CFHR2: variants seen among roughly 807,000 people sequenced by gnomAD.
CFHR2 encodes complement factor H-related protein 2.
Under a neutral mutation model 21.7 loss-of-function variants are expected in CFHR2, and 22 were observed. The ratio of observed to expected loss-of-function variants is 1.01; its 90% CI spans 0.72 to 1.45. The LOEUF is 1.45. Among genes scored for constraint, CFHR2 ranks in the 40% most tolerant of loss-of-function variants. CFHR2 has a pLI of 0.00. For missense variants in CFHR2, 294 were observed against 293.3 expected (o/e 1.00, Z -0.02); for synonymous variants, 98 against 97.4 (o/e 1.01, Z -0.04).
chr1:196,957,463 T>G (rs181427298), intron 3 of CFHR2, among the ~76,000 whole-genome samples: 4 of 152,212 alleles, frequency 2.6e-5, no homozygotes, highest in Admixed American at 2.0e-4. Flanking sequence ...CCTTTTAGTT[T>G]CTATTAATTT....
chr1:196,958,415 TGAGAGAGAGAGA>T (rs894664239), intron 4 of CFHR2, among the ~76,000 whole-genome samples: 1 of 145,184 alleles, frequency 6.9e-6, no homozygotes, highest in South Asian at 2.2e-4. Context: ...TGTGTGTGTG[TGAGAGAGAGAGA>T]GAGAGAGAGA....
intron 1 of CFHR2, among the ~76,000 whole-genome samples, chr1:196,948,710 C>A (rs182116811): frequency 3.3e-5 from 5 of 150,664 alleles, no homozygotes; most frequent in Non-Finnish European, 5.9e-5. Context: ...TGTTTTTTTC[C>A]GAATATTTTT....
intron 3 of CFHR2, among the ~76,000 whole-genome samples, chr1:196,955,569 C>G (rs895511638): frequency 1.3e-5 from 2 of 152,122 alleles, no homozygotes; most frequent in African/African-American, 4.8e-5. Context: ...ATAGGTTTGG[C>G]CAGACATGGT....
rs190787528 is a variant in CFHR2 at position 196,955,942 on chromosome 1, G to A, written c.431-1949G>A. ...GAAAACTTACAATAATGGCAGAAGC[G>A]GGGGCAGGCACTTCTTCACAAGGCA... On this transcript the variant is annotated intron_variant, in intron 3 of 4. Transcript: ENST00000367415. Among the ~76,000 whole-genome samples, 144 of 152,168 alleles carry A rather than the reference G, an allele frequency of 9.5e-4. 1 individual carries two copies. The Middle Eastern group carries it at 0.01, about 11-fold the overall frequency.
intron 1 of CFHR2, among the ~76,000 whole-genome samples, chr1:196,945,777 AGTGTGTGTGT>A (rs201838824): frequency 7.0e-6 from 1 of 142,850 alleles, no homozygotes; most frequent in Admixed American, 7.0e-5. Context: ...ACTGTGAGTG[AGTGTGTGTGT>A]GTGTGTGTGT....
chr1:196,956,246 T>C lies in CFHR2; in HGVS notation c.431-1645T>C, dbSNP rs187306903. Among the ~76,000 whole-genome samples the C allele has an allele frequency of 1.2e-4, 19 of 152,346 alleles. 1 individual carries two copies. In the East Asian group the frequency reaches 3.7e-3, roughly 29 times the overall value. On this transcript the variant is annotated intron_variant, in intron 3 of 4. Transcript: ENST00000367415. Reference sequence around the variant, plus strand: ...ACAGAGCAATCTCAAGTGCTCCAGCTACCAATATCTCCTCAGTCTTCTGAT... The same window carrying C: ...ACAGAGCAATCTCAAGTGCTCCAGCCACCAATATCTCCTCAGTCTTCTGAT...
intron 3 of CFHR2, among the ~76,000 whole-genome samples, chr1:196,955,163 T>TC (rs1652816455): frequency 6.6e-6 from 1 of 152,140 alleles, no homozygotes; most frequent in Admixed American, 6.5e-5. Flanking sequence ...AAATCATCTC[T>TC]CTCAACTTCA....
Position 196,949,538 on chromosome 1 carries a change from G to A in CFHR2, c.142G>A (p.Gly48Arg), listed in dbSNP as rs751333891. ...KYKPFSQVPTGEVFYYSCEYN... is the reference protein window; with the variant it reads ...KYKPFSQVPTREVFYYSCEYN... ...TAAGCCATTTTCCCAAGTTCCTACA[G>A]GGGAAGTTTTCTATTACTCCTGTGA... Residue 48 changes from glycine (G) to arginine (R), a missense_variant, in exon 2 of 5, where the codon GGG becomes AGG. Coordinates refer to ENST00000367415, the MANE Select transcript of CFHR2 (RefSeq NM_005666.4). 9 of 1,613,886 alleles carry A rather than the reference G, an allele frequency of 5.6e-6. No homozygotes were observed. The East Asian group carries it at 1.3e-4, about 24-fold the overall frequency.
intron 1 of CFHR2, among the ~76,000 whole-genome samples, chr1:196,947,967 T>G (rs1385800755): frequency 6.6e-6 from 1 of 152,238 alleles, no homozygotes; most frequent in East Asian, 1.9e-4. Context: ...GTGAAAAACT[T>G]GTTAATAAAA....
At chr1:196,953,614 T>C (rs573176528) in intron 3 of CFHR2, among the ~76,000 whole-genome samples, 15 of 152,292 alleles carry the variant, frequency 9.8e-5, no homozygotes, top group Admixed American at 8.5e-4. Flanking sequence ...ATTTTGTTTT[T>C]ACAATTAGAT....
chr1:196,948,477 T>C (rs886393895), intron 1 of CFHR2, among the ~76,000 whole-genome samples: 1 of 152,012 alleles, frequency 6.6e-6, no homozygotes, highest in African/African-American at 2.4e-5. Context: ...GCTTTCGCCA[T>C]GTTGGCCAGG....
At chr1:196,948,898 CTCTCAATTATT>C in intron 1 of CFHR2, among the ~76,000 whole-genome samples, 1 of 152,108 alleles carries the variant, frequency 6.6e-6, no homozygotes, top group Non-Finnish European at 1.5e-5. Flanking sequence ...TTCTTATATT[CTCTCAATTATT>C]TCCACTGAAA....
Position 196,959,213 on chromosome 1 carries a change from A to G in CFHR2, c.*133A>G. 1.5e-6 allele frequency: 1 copy of G among 685,872 alleles called. No individual in the cohort carries two copies. Among genetic ancestry groups the G allele is most frequent in the African/African-American group, 1.8e-5 (1 of 55,234 alleles). The allele number at this position is 685,872 out of a possible 1,614,324, so 42.5% of individuals were successfully genotyped here. ...AATAAAGTTTTGTGTTGATTTGTGA[A>G]AATGCAATTACAATCTGAGATGTGT... On this transcript the variant is annotated 3_prime_UTR_variant, in exon 5 of 5. Coordinates refer to ENST00000367415, the MANE Select transcript of CFHR2 (RefSeq NM_005666.4).
At position 196,949,668 on chromosome 1, in the gene CFHR2, C is replaced by T. The variant is rs759652921; in HGVS notation, c.253+19C>T. 1.2e-6 allele frequency: 2 copies of T among 1,612,710 alleles called. No individual in the cohort carries two copies. The highest frequency in any genetic ancestry group is 2.2e-5 in the South Asian group (2 of 91,030). Reference sequence around the variant, plus strand: ...TGTCTCAGTGAGTAAATGCCCTGTTCATTAAATGGATGTCATTCAATGAAC... The same window carrying T: ...TGTCTCAGTGAGTAAATGCCCTGTTTATTAAATGGATGTCATTCAATGAAC... On this transcript the variant is annotated intron_variant, in intron 2 of 4. Transcript: ENST00000367415.
intron 2 of CFHR2, among the ~76,000 whole-genome samples, chr1:196,950,071 G>T (rs557776839): frequency 2.0e-5 from 3 of 151,998 alleles, no homozygotes; most frequent in Non-Finnish European, 2.9e-5. Context: ...AATTTCTTTG[G>T]TCCTTCAAAG....
At chr1:196,955,344 G>T (rs1182246482) in intron 3 of CFHR2, among the ~76,000 whole-genome samples, 1 of 152,080 alleles carries the variant, frequency 6.6e-6, no homozygotes, top group Admixed American at 6.5e-5. Context: ...CAAAACCATT[G>T]AACAAGTCTC....
Position 196,949,612 on chromosome 1 carries a change from C to A in CFHR2, c.216C>A (p.Cys72Ter). Reference sequence around the variant, plus strand: ...AATCCTTTTGGACTCGCATAACGTGCGCAGAAGAAGGATGGTCACCAACAC... The same window carrying A: ...AATCCTTTTGGACTCGCATAACGTGAGCAGAAGAAGGATGGTCACCAACAC... ...PSKSFWTRIT[C>*]AEEGWSPTPK... Residue 72 changes from cysteine to a stop codon, truncating the protein, a stop_gained, in exon 2 of 5, where the codon TGC (cysteine) becomes TGA (stop). Coordinates refer to ENST00000367415, the MANE Select transcript of CFHR2 (RefSeq NM_005666.4). LOFTEE classifies it high-confidence loss of function. 1.9e-6 allele frequency: 3 copies of A among 1,613,910 alleles called. No individual in the cohort carries two copies. Among genetic ancestry groups the A allele is most frequent in the Non-Finnish European group, 2.5e-6 (3 of 1,179,888 alleles).
chr1:196,950,033 G>A (rs1331063349), intron 2 of CFHR2, among the ~76,000 whole-genome samples: 1 of 152,116 alleles, frequency 6.6e-6, no homozygotes, highest in Non-Finnish European at 1.5e-5. Context: ...AGGAGGTTTA[G>A]CATTTTCACT....
chr1:196,953,051 T>C (rs563857765), intron 3 of CFHR2, among the ~76,000 whole-genome samples: 1 of 152,244 alleles, frequency 6.6e-6, no homozygotes, highest in East Asian at 1.9e-4. Context: ...GTTAATAAAG[T>C]TTCAGGGCAA....
Sources: allele counts gnomAD v4.1 joint callset (sites outside exome capture counted in the v4.1 genomes callset), GRCh38; gene constraint gnomAD v4.1.1; transcripts MANE v1.5; gene names NCBI Gene and HGNC (gene_info 2026-07-23, HGNC 2026-07-21).